Variants in RGS12 observed in about 807,000 individuals in gnomAD.
The protein encoded by RGS12 is regulator of G protein signaling 12, also known as regulator of G-protein signaling 12.
Under a neutral mutation model 120.1 loss-of-function variants are expected in RGS12, and 66 were observed. The ratio of observed to expected loss-of-function variants is 0.55; its 90% CI spans 0.45 to 0.67. The LOEUF (loss-of-function observed/expected upper bound fraction) is 0.67, where lower values mean the gene tolerates loss of function less well. Ranked by LOEUF, RGS12 falls within the 30% of genes least tolerant of loss-of-function variation. RGS12 has a pLI of 0.00. For synonymous variants in RGS12, 827 were observed against 804.7 expected (o/e 1.03, Z -0.47); for missense variants, 1,859 against 1,957.7 (o/e 0.95, Z 0.95).
intron 16 of RGS12, among the ~76,000 whole-genome samples, chr4:3,430,045 C>T (rs1724091530): frequency 6.6e-6 from 1 of 152,194 alleles, no homozygotes; most frequent in Non-Finnish European, 1.5e-5. Context: ...CCTCAGAGGG[C>T]CCCAAGTGTT....
rs778180090 is a variant in RGS12, at chr4:3,414,026, G to C, written c.2021-46G>C. Reference sequence around the variant, plus strand: ...GGGCGGGCAGAGCAGTCACTGGGCCGGGGCGGAGGGCAGGGGTGCAGGTGC... The same window carrying C: ...GGGCGGGCAGAGCAGTCACTGGGCCCGGGCGGAGGGCAGGGGTGCAGGTGC... On this transcript the variant is annotated intron_variant, in intron 4 of 17. Coordinates refer to ENST00000336727, the MANE Select transcript of RGS12 (RefSeq NM_001394154.1). The C allele has an allele frequency of 4.7e-6, 7 of 1,485,838 alleles. No homozygotes were observed. The South Asian group carries it at 5.2e-5, about 11-fold the overall frequency. The allele number at this position is 1,485,838 out of a possible 1,614,324, so 92.0% of individuals were successfully genotyped here. A position where few individuals can be genotyped will look rare whatever the true frequency, so the allele number is the denominator to read the frequency against.
At chr4:3,294,960 G>A (rs1214961583) in intron 1 of RGS12, among the ~76,000 whole-genome samples, 2 of 152,156 alleles carry the variant, frequency 1.3e-5, no homozygotes, top group African/African-American at 2.4e-5. Flanking sequence ...GCGGCCTGAG[G>A]GCATGTCCTG....
intron 4 of RGS12, among the ~76,000 whole-genome samples, chr4:3,398,487 A>G (rs566725728): frequency 6.6e-6 from 1 of 152,330 alleles, no homozygotes; most frequent in East Asian, 1.9e-4. Flanking sequence ...AACAAACAAC[A>G]ATAAGTGACA....
chr4:3,413,703 G>A (rs944441862), intron 4 of RGS12: 1 of 207,966 alleles, frequency 4.8e-6, no homozygotes, highest in Non-Finnish European at 9.6e-6. Context: ...TCCTGTGTAA[G>A]GTTAGTTGCT....
chr4:3,367,041 G>T (rs891805098), intron 3 of RGS12, among the ~76,000 whole-genome samples: 3 of 152,176 alleles, frequency 2.0e-5, no homozygotes, highest in Non-Finnish European at 2.9e-5. Flanking sequence ...TCCCATCTGC[G>T]AACTCCTCCA....
At chr4:3,286,351 G>A in the RGS12 span, among the ~76,000 whole-genome samples, 3 of 152,280 alleles carry the variant, frequency 2.0e-5, no homozygotes, top group Admixed American at 6.5e-5. Flanking sequence ...CCATTACTGC[G>A]TATGCGGTGG....
intron 3 of RGS12, among the ~76,000 whole-genome samples, chr4:3,380,073 C>T (rs1247686821): frequency 6.6e-6 from 1 of 152,226 alleles, no homozygotes; most frequent in East Asian, 1.9e-4. Flanking sequence ...TAGTTGCTTC[C>T]AGGATACAAT....
At chr4:3,394,383 G>A (rs977681412) in intron 4 of RGS12, among the ~76,000 whole-genome samples, 3 of 152,098 alleles carry the variant, frequency 2.0e-5, no homozygotes, top group African/African-American at 4.8e-5. Flanking sequence ...GGCTGGTCTC[G>A]AACTCCTGAC....
At chr4:3,370,487 G>A (rs779502289) in intron 3 of RGS12, among the ~76,000 whole-genome samples, 4 of 152,234 alleles carry the variant, frequency 2.6e-5, no homozygotes, top group Non-Finnish European at 5.9e-5. Context: ...AGCGAGTGCT[G>A]CGGGGGCTCA....
rs1289311659 is a variant in RGS12 at position 3,427,714 on chromosome 4, A to G, written c.3332-376A>G. Among the ~76,000 whole-genome samples, 4 of 152,140 alleles carry G rather than the reference A, an allele frequency of 2.6e-5. No individual in the cohort carries two copies. The East Asian group carries it at 7.7e-4, about 29-fold the overall frequency. Reference sequence around the variant, plus strand: ...TCGTGCCACTGCACTCCAGCCTGGGAGACAGAGTGAGACTCTGTCTCAAAA... The same window carrying G: ...TCGTGCCACTGCACTCCAGCCTGGGGGACAGAGTGAGACTCTGTCTCAAAA... On this transcript the variant is annotated intron_variant, in intron 14 of 17. Coordinates refer to ENST00000336727, the MANE Select transcript of RGS12 (RefSeq NM_001394154.1).
chr4:3,382,046 C>T (rs1397958954), intron 3 of RGS12, among the ~76,000 whole-genome samples: 4 of 152,216 alleles, frequency 2.6e-5, no homozygotes, highest in African/African-American at 7.2e-5. Context: ...ATAGTCGTAA[C>T]GTCACCGTTC....
At chr4:3,406,679 G>A (rs1342415507) in intron 4 of RGS12, among the ~76,000 whole-genome samples, 1 of 152,228 alleles carries the variant, frequency 6.6e-6, no homozygotes, top group East Asian at 1.9e-4. Flanking sequence ...TGTGGTGTTA[G>A]CGGATGTTTC....
intron 3 of RGS12, among the ~76,000 whole-genome samples, chr4:3,361,007 T>G (rs1406509718): frequency 6.6e-6 from 1 of 152,224 alleles, no homozygotes; most frequent in Non-Finnish European, 1.5e-5. Context: ...ATAAGATCCC[T>G]ACACGGAAGC....
rs922684476 is a variant in RGS12, at chr4:3,316,899, G to A, written c.729G>A (p.Thr243=). 3.1e-6 allele frequency: 5 copies of A among 1,613,980 alleles called. No individual in the cohort carries two copies. The highest frequency in any genetic ancestry group is 1.3e-5 in the African/African-American group (1 of 75,056). ...GYLGSIELPS[T]SSNLESDSLQ... ...TAGGCTCCATTGAGCTTCCTTCCAC[G>A]AGCTCCAACCTGGAGTCCGACAGCT... The change falls in exon 2 of 18, where the codon ACG becomes ACA. Residue 243 remains threonine (T), a synonymous_variant. Transcript: ENST00000336727.
intron 13 of RGS12, among the ~76,000 whole-genome samples, chr4:3,424,670 G>A (rs547540514): frequency 3.5e-4 from 54 of 152,358 alleles, no homozygotes; most frequent in African/African-American, 1.1e-3. Context: ...TGCGGCCCTC[G>A]GCTGCCGAGG....
At chr4:3,402,447 G>T (rs1720690740) in intron 4 of RGS12, among the ~76,000 whole-genome samples, 1 of 152,188 alleles carries the variant, frequency 6.6e-6, no homozygotes, top group Non-Finnish European at 1.5e-5. Flanking sequence ...CCTCAGTCCT[G>T]CTGGGTAGGG....
intron 2 of RGS12, among the ~76,000 whole-genome samples, chr4:3,329,196 G>C (rs1268642688): frequency 1.3e-5 from 2 of 152,190 alleles, no homozygotes; most frequent in Non-Finnish European, 2.9e-5. Context: ...GGTCAGGTGG[G>C]TGGGAGGAGC....
rs1322977953 is a variant in RGS12, at chr4:3,390,820, G to A, written c.2020+4383G>A. 6.6e-6 allele frequency among the ~76,000 whole-genome samples: 1 copy of A among 152,222 alleles called. No homozygotes were observed. Among genetic ancestry groups the A allele is most frequent in the East Asian group, 1.9e-4 (1 of 5,196 alleles). ...TCACAAACGGCTGCCTGATGGGGGA[G>A]GGTTACCGTAATTGCCGGATTAACT... On this transcript the variant is annotated intron_variant, in intron 4 of 17. Transcript: ENST00000336727. The surrounding 1 kb of genome is among the most constrained non-coding windows in gnomAD (Gnocchi z 4.6).
intron 2 of RGS12, among the ~76,000 whole-genome samples, chr4:3,319,053 C>T (rs1223425193): frequency 3.3e-5 from 5 of 152,232 alleles, no homozygotes; most frequent in African/African-American, 7.2e-5. Flanking sequence ...TAGGAAAGGC[C>T]GTGTTTGATG....
Sources: allele counts gnomAD v4.1 joint callset (sites outside exome capture counted in the v4.1 genomes callset), GRCh38; gene constraint gnomAD v4.1.1; non-coding constraint Gnocchi (gnomAD v3.1); transcripts MANE v1.5; gene names NCBI Gene and HGNC (gene_info 2026-07-23, HGNC 2026-07-21).